The following MTAP variants were observed in gnomAD, a reference collection of about 807,000 sequenced individuals.
The protein encoded by MTAP is methylthioadenosine phosphorylase.
Under a neutral mutation model 33.6 loss-of-function variants are expected in MTAP, and 33 were observed. The observed-to-expected ratio is 0.98, with a 90% CI of 0.74 to 1.31. The LOEUF is 1.31. MTAP is among the 40% of genes most tolerant of loss of function. The probability of loss-of-function intolerance (pLI) is 0.00; values close to 1 mark genes in which losing one functional copy is unlikely to be tolerated. For synonymous variants in MTAP, 148 were observed against 125.7 expected (o/e 1.18, Z -1.19); for missense variants, 367 against 360.0 (o/e 1.02, Z -0.16).
At chr9:21,845,420 T>C (rs1264743035) in intron 5 of MTAP, among the ~76,000 whole-genome samples, 2 of 152,096 alleles carry the variant, frequency 1.3e-5, no homozygotes, top group African/African-American at 2.4e-5. Flanking sequence ...CTCAACCTGC[T>C]TTACAACAGT....
At chr9:21,882,259 G>C (rs535324032) in intron 1 of MTAP, among the ~76,000 whole-genome samples, 3 of 151,816 alleles carry the variant, frequency 2.0e-5, no homozygotes, top group African/African-American at 7.2e-5. Context: ...TTTAAGGTTC[G>C]ATAATATTTT....
intron 5 of MTAP, among the ~76,000 whole-genome samples, chr9:21,844,559 G>A (rs374607299): frequency 1.3e-5 from 2 of 152,192 alleles, no homozygotes; most frequent in Non-Finnish European, 1.5e-5. Context: ...TACCAGTGAT[G>A]AAGGGATGGT....
intron 1 of MTAP, among the ~76,000 whole-genome samples, chr9:21,879,865 A>G (rs937133022): frequency 3.3e-5 from 5 of 152,062 alleles, no homozygotes; most frequent in African/African-American, 7.2e-5. Context: ...TAGGCCCCCA[A>G]TCCCTTCTGG....
intron 3 of MTAP, 57 bp from the exon 4 acceptor site, chr9:21,817,978 G>T: frequency 6.7e-7 from 1 of 1,496,428 alleles, no homozygotes; most frequent in Non-Finnish European, 8.9e-7. Flanking sequence ...GACTCTAGGA[G>T]AAAACAGTTG....
chr9:21,872,361 T>C (rs1825950183), intron 1 of MTAP, among the ~76,000 whole-genome samples: 2 of 152,160 alleles, frequency 1.3e-5, no homozygotes, highest in Admixed American at 6.5e-5. Flanking sequence ...AATCTTTTGA[T>C]TGAATAGTAA....
At chr9:21,816,211 C>G (rs1034150823) in intron 2 of MTAP, among the ~76,000 whole-genome samples, 2 of 152,136 alleles carry the variant, frequency 1.3e-5, no homozygotes, top group East Asian at 3.9e-4. Flanking sequence ...GTCCTGCAGT[C>G]ATCCTGGTTC....
chr9:21,829,936 T>C (rs1824925322), intron 4 of MTAP, among the ~76,000 whole-genome samples: 1 of 152,142 alleles, frequency 6.6e-6, no homozygotes, highest in Non-Finnish European at 1.5e-5. Context: ...TTTTTTTTTC[T>C]TCTCTCTCTC....
intron 1 of MTAP, chr9:21,803,342 G>T (rs1824115905): frequency 5.9e-6 from 1 of 168,618 alleles, no homozygotes. Flanking sequence ...CCAAACGTAG[G>T]CCTTCTCCGC....
intron 6 of MTAP, among the ~76,000 whole-genome samples, chr9:21,856,641 A>G (rs966360846): frequency 1.3e-5 from 2 of 152,178 alleles, no homozygotes; most frequent in Non-Finnish European, 2.9e-5. Flanking sequence ...TAGTAGCCAA[A>G]TGAGGTTGGG....
intron 1 of MTAP, among the ~76,000 whole-genome samples, chr9:21,911,055 G>A (rs1818568340): frequency 6.6e-6 from 1 of 152,136 alleles, no homozygotes; most frequent in Non-Finnish European, 1.5e-5. Context: ...TAATGGTAAA[G>A]GGATCAATTC....
downstream of MTAP, among the ~76,000 whole-genome samples, chr9:21,938,050 A>C (rs956607553): frequency 2.0e-5 from 3 of 152,124 alleles, no homozygotes; most frequent in Non-Finnish European, 4.4e-5. Context: ...AGGTGGGCTG[A>C]TTGCCTGAGC....
At chr9:21,906,862 T>G (rs1818485803) in intron 1 of MTAP, among the ~76,000 whole-genome samples, 1 of 152,200 alleles carries the variant, frequency 6.6e-6, no homozygotes, top group Admixed American at 6.5e-5. Flanking sequence ...GCCCTTTGAT[T>G]TTAAAAATAA....
At chr9:21,854,077 C>T (rs574655374) in intron 5 of MTAP, among the ~76,000 whole-genome samples, 314 of 152,300 alleles carry the variant, frequency 2.1e-3, no homozygotes, top group African/African-American at 7.4e-3. Flanking sequence ...ACAATCAGCA[C>T]AACTCTGTGG....
chr9:21,852,915 G>A (rs1021419723), intron 5 of MTAP, among the ~76,000 whole-genome samples: 2 of 152,096 alleles, frequency 1.3e-5, no homozygotes, highest in African/African-American at 4.8e-5. Context: ...GAGGGTTGTG[G>A]TACTTTCACT....
chr9:21,923,793 C>T (rs918354716), intron 1 of MTAP, among the ~76,000 whole-genome samples: 1 of 149,792 alleles, frequency 6.7e-6, no homozygotes, highest in Non-Finnish European at 1.5e-5. Flanking sequence ...ACTTAAAGAA[C>T]ATGGGAAATG....
chr9:21,824,194 T>G (rs1824724150), intron 4 of MTAP, among the ~76,000 whole-genome samples: 1 of 152,256 alleles, frequency 6.6e-6, no homozygotes, highest in African/African-American at 2.4e-5. Flanking sequence ...TTTAGAATTT[T>G]CAGCTTTTCT....
At chr9:21,921,161 G>T (rs145405915) in intron 1 of MTAP, among the ~76,000 whole-genome samples, 196 of 151,870 alleles carry the variant, frequency 1.3e-3, no homozygotes, top group Middle Eastern at 3.4e-3. Context: ...ATGTCTTTTA[G>T]ATTTTCCAAA....
chr9:21,825,036 C>T (rs1040921687), intron 4 of MTAP, among the ~76,000 whole-genome samples: 4 of 152,112 alleles, frequency 2.6e-5, no homozygotes, highest in Non-Finnish European at 4.4e-5. Flanking sequence ...ATTCCTTGAC[C>T]CCTTACGCTT....
rs1563869550 is a variant in MTAP at position 21,915,080 on chromosome 9, C to CTTTCTTTCTTTCTTTCT, written c.148-15924_148-15923insTTTCTTTCTTTCTTTTC. Among the ~76,000 whole-genome samples, 3 of 122,658 alleles carry CTTTCTTTCTTTCTTTCT rather than the reference C, an allele frequency of 2.4e-5. No individual in the cohort carries two copies. In the East Asian group the frequency reaches 8.3e-4, roughly 34 times the overall value. 80.5% of individuals were successfully genotyped at this position (122,658 alleles called of 152,430 possible). A position where few individuals can be genotyped will look rare whatever the true frequency, so the allele number is the denominator to read the frequency against. The stretch of plus-strand genomic sequence containing the variant: ...CCTTTCTTTCTTTCTTTCTTTCTTT[C>CTTTCTTTCTTTCTTTCT]TTTCCTTTCTTTCTTTTCTTTCGGC... On this transcript the variant is annotated intron_variant, in intron 1 of 1. Coordinates refer to the MTAP transcript ENST00000577563.
Sources: gnomAD v4.1 joint callset for allele counts (sites outside exome capture counted in the v4.1 genomes callset) on GRCh38, gnomAD v4.1.1 for gene constraint, MANE v1.5 for transcripts, NCBI Gene and HGNC (gene_info 2026-07-23, HGNC 2026-07-21) for gene names.